PRKCZ: variants seen among roughly 807,000 people sequenced by gnomAD.
PRKCZ encodes protein kinase C zeta, also known as protein kinase C zeta type.
A neutral mutation model predicts 79.5 loss-of-function variants in PRKCZ; 33 were observed. That is an observed-to-expected ratio of 0.41 (90% CI 0.31 to 0.55). PRKCZ has a LOEUF of 0.55. Ranked by LOEUF, PRKCZ falls within the 20% of genes least tolerant of loss-of-function variation. The pLI is 0.19. For synonymous variants in PRKCZ, 342 were observed against 320.9 expected, an observed-to-expected ratio of 1.07 and a Z score of -0.70; for missense variants, 578 against 813.5, an observed-to-expected ratio of 0.71 and a Z score of 3.52.
chr1:2,088,582 G>T (rs1006306937), intron 4 of PRKCZ, among the ~76,000 whole-genome samples: 1 of 152,146 alleles, frequency 6.6e-6, no homozygotes, highest in Non-Finnish European at 1.5e-5. Context: ...CCCAGAGCCC[G>T]GGCTCCAGGA....
At chr1:2,156,807 A>G (rs1392380862) in intron 10 of PRKCZ, 1 of 152,488 alleles carries the variant, frequency 6.6e-6, no homozygotes, top group Non-Finnish European at 1.5e-5. Flanking sequence ...GTTTTTGTCA[A>G]GGGCTGGTCA....
At chr1:2,129,294 C>G (rs1674515513) in intron 4 of PRKCZ, among the ~76,000 whole-genome samples, 1 of 152,166 alleles carries the variant, frequency 6.6e-6, no homozygotes, top group Non-Finnish European at 1.5e-5. Context: ...CTAAGGAGGC[C>G]CTAAGTGCAG....
chr1:2,117,694 CCCA>C (rs1671016687), intron 4 of PRKCZ, among the ~76,000 whole-genome samples: 1 of 152,090 alleles, frequency 6.6e-6, no homozygotes, highest in African/African-American at 2.4e-5. Context: ...TTCGTAAATC[CCCA>C]CCAACAAATT....
chr1:2,134,103 C>T (rs1161851739), intron 4 of PRKCZ: 2 of 152,154 alleles, frequency 1.3e-5, no homozygotes, highest in African/African-American at 4.8e-5. Context: ...TGTCACCAGG[C>T]CTCTGTCAAA....
chr1:2,126,716 A>T (rs1673968757), intron 4 of PRKCZ, among the ~76,000 whole-genome samples: 1 of 152,072 alleles, frequency 6.6e-6, no homozygotes, highest in Non-Finnish European at 1.5e-5. Context: ...CCACGAGGGG[A>T]CCTGAGGCTT....
At chr1:2,121,651 C>T (rs796872449) in intron 4 of PRKCZ, among the ~76,000 whole-genome samples, 650 of 14,352 alleles carry the variant, frequency 0.045, 177 homozygotes, top group African/African-American at 0.2. Flanking sequence ...GTTAGGGTCA[C>T]GGTGGTGGTT....
At chr1:2,059,740 G>A in intron 4 of PRKCZ, 149 bp downstream of exon 4, 2 of 963,086 alleles carry the variant, frequency 2.1e-6, no homozygotes, top group Non-Finnish European at 3.2e-6. Context: ...CCGCAGGTGG[G>A]GTTTTCACTG....
intron 5 of PRKCZ, 96 bp downstream of exon 5, chr1:2,135,443 C>G: frequency 1.6e-6 from 2 of 1,222,470 alleles, no homozygotes; most frequent in African/African-American, 1.5e-5. Flanking sequence ...TGAGCCCAGG[C>G]TGGGCTCTTT....
intron 5 of PRKCZ, 121 bp downstream of exon 5, chr1:2,135,468 C>A (rs1675998784): frequency 5.7e-6 from 5 of 884,202 alleles, no homozygotes; most frequent in South Asian, 1.8e-5. Context: ...CGCCCGAGGG[C>A]AAGGTTACAG....
At chr1:2,134,373 A>G (rs1385478913) in intron 4 of PRKCZ, among the ~76,000 whole-genome samples, 1 of 152,212 alleles carries the variant, frequency 6.6e-6, no homozygotes, top group Non-Finnish European at 1.5e-5. Context: ...TGGTTCATGA[A>G]AGTCGCTTTT....
At chr1:2,137,137 C>CT (rs1676371161) in intron 5 of PRKCZ, among the ~76,000 whole-genome samples, 1 of 152,188 alleles carries the variant, frequency 6.6e-6, no homozygotes, top group African/African-American at 2.4e-5. Context: ...CGGCAAACCA[C>CT]TAATAAGTCC....
intron 4 of PRKCZ, among the ~76,000 whole-genome samples, chr1:2,064,369 TC>T: frequency 6.6e-6 from 1 of 152,382 alleles, no homozygotes; most frequent in South Asian, 2.1e-4. Context: ...TTTAAAATTT[TC>T]CTGAAATCCT....
At chr1:2,072,455 G>A (rs1203648533) in intron 4 of PRKCZ, among the ~76,000 whole-genome samples, 4 of 152,330 alleles carry the variant, frequency 2.6e-5, no homozygotes, top group African/African-American at 7.2e-5. Flanking sequence ...CGCCGGGTGG[G>A]TTGGAGGCAG....
In PRKCZ at chr1:2,075,627, C is replaced by T. The variant is rs964533166; in HGVS notation, c.334+16036C>T. On this transcript the variant is annotated intron_variant, in intron 4 of 17. Coordinates refer to ENST00000378567, the MANE Select transcript of PRKCZ (RefSeq NM_002744.6). The surrounding 1 kb of genome is among the most constrained non-coding windows in gnomAD (Gnocchi z 4.8). ...AGTTGTGTGTTCCTCTGCCCAACTC[C>T]GAGCTTGGTCCCACCTCCCAGACTC... 2.3e-4 allele frequency among the ~76,000 whole-genome samples: 35 copies of T among 152,312 alleles called. No individual in the cohort carries two copies. The highest frequency in any genetic ancestry group is 2.1e-4 in the South Asian group (1 of 4,822).
rs1325982898 is a variant in PRKCZ at position 2,177,583 on chromosome 1, C to G, written c.1575+2270C>G. Among the ~76,000 whole-genome samples the G allele has an allele frequency of 2.6e-5, 4 of 152,212 alleles. No individual in the cohort carries two copies. The highest frequency in any genetic ancestry group is 7.2e-5 in the African/African-American group (3 of 41,442). On this transcript the variant is annotated intron_variant, in intron 16 of 17. Coordinates refer to ENST00000378567, the MANE Select transcript of PRKCZ (RefSeq NM_002744.6). This position sits in a 1 kb window ranked among gnomAD's most constrained non-coding sequence, Gnocchi z 6.4. ...GCACTGTCTAATCTGAGTGTGAGTC[C>G]AACCCTGCCCGAGCCGGAACTCAAG...
intron 3 of PRKCZ, among the ~76,000 whole-genome samples, chr1:2,056,776 T>C (rs1660206876): frequency 6.6e-6 from 1 of 150,684 alleles, no homozygotes; most frequent in African/African-American, 2.5e-5. Flanking sequence ...TTGCCCAGGC[T>C]GGAGTGCAGT....
Position 2,128,867 on chromosome 1 carries a change from G to T in PRKCZ, c.335-6395G>T, listed in dbSNP as rs907739195. Among the ~76,000 whole-genome samples, 1 of 152,160 alleles carries T rather than the reference G, an allele frequency of 6.6e-6. No individual in the cohort carries two copies. The highest frequency in any genetic ancestry group is 1.5e-5 in the Non-Finnish European group (1 of 68,032). On this transcript the variant is annotated intron_variant, in intron 4 of 17. Transcript: ENST00000378567. The surrounding 1 kb of genome is among the most constrained non-coding windows in gnomAD (Gnocchi z 6.5). ...CCACAGAGGTAGCCGGGGGACTCGC[G>T]GTGCCAGGCCCACAGCCTCCTCGCC...
At chr1:2,053,343 C>T (rs916224028) in intron 1 of PRKCZ, among the ~76,000 whole-genome samples, 2 of 152,234 alleles carry the variant, frequency 1.3e-5, no homozygotes, top group African/African-American at 4.8e-5. Flanking sequence ...TCGTGATCCG[C>T]CCGCCTTGGC....
chr1:2,136,122 G>C (rs1472453123), intron 5 of PRKCZ, among the ~76,000 whole-genome samples: 1 of 152,160 alleles, frequency 6.6e-6, no homozygotes, highest in Non-Finnish European at 1.5e-5. Flanking sequence ...GTGGCCTCAC[G>C]TGTCAACCTC....
Sources: gnomAD v4.1 joint callset for allele counts (sites outside exome capture counted in the v4.1 genomes callset) on GRCh38, gnomAD v4.1.1 for gene constraint, Gnocchi (gnomAD v3.1) non-coding constraint, MANE v1.5 for transcripts, NCBI Gene and HGNC (gene_info 2026-07-23, HGNC 2026-07-21) for gene names.